PCYOX1L: variants seen among roughly 807,000 people sequenced by gnomAD.
PCYOX1L encodes the protein prenylcysteine oxidase 1-like.
Under a neutral mutation model 44.1 loss-of-function variants are expected in PCYOX1L, and 40 were observed. The observed-to-expected ratio is 0.91, with a 90% CI of 0.70 to 1.18. The LOEUF (loss-of-function observed/expected upper bound fraction) is 1.18. Among genes scored for constraint, PCYOX1L ranks in the 50% most tolerant of loss-of-function variants. The pLI is 0.00. For synonymous variants in PCYOX1L, 266 were observed against 282.8 expected (o/e 0.94, Z 0.60); for missense variants, 605 against 653.3 (o/e 0.93, Z 0.81).
chr5:149,366,157 A>G lies in PCYOX1L; in HGVS notation c.682+4A>G, dbSNP rs1176363178. On this transcript the variant is annotated splice_donor_region_variant and intron_variant, in intron 4 of 5. Transcript: ENST00000274569. ...GCAGCGATGCCCGCCTTTGCAGGTA[A>G]GCGTCCAACCCTTGGCCTGCCCACC... 1 of 1,609,858 alleles carries G rather than the reference A, an allele frequency of 6.2e-7. No individual in the cohort carries two copies. Among genetic ancestry groups the G allele is most frequent in the Non-Finnish European group, 8.5e-7 (1 of 1,179,946 alleles).
At position 149,368,128 on chromosome 5, in the gene PCYOX1L, C is replaced by A; in HGVS notation, c.959C>A (p.Pro320Gln). Residue 320 changes from proline (P) to glutamine (Q), a missense_variant, in exon 6 of 6, where the codon CCG (proline) becomes CAG (glutamine). By Grantham distance (76) the Pro-to-Gln change is moderately conservative. Transcript: ENST00000274569. ...AACTTAACCTTTGCAGGCTTCCACC[C>A]GCCCATTGATGACGTGCAGGGCTCT... ...SSNLTFAGFH[P>Q]PIDDVQGSFQ... 6.2e-7 allele frequency: 1 copy of A among 1,613,274 alleles called. No homozygotes were observed. Among genetic ancestry groups the A allele is most frequent in the Non-Finnish European group, 8.5e-7 (1 of 1,179,540 alleles).
In PCYOX1L at chr5:149,364,327, C is replaced by T. The variant is rs77845145; in HGVS notation, c.470+117C>T. ...AAAGGTCCTTGCTGAATTGAGCCAG[C>T]ACAATTCAGTGCAGGCTCAGAGCAA... On this transcript the variant is annotated intron_variant, in intron 3 of 5. Transcript: ENST00000274569. 612 of 1,290,690 alleles carry T rather than the reference C, an allele frequency of 4.7e-4. 1 individual carries two copies. Among genetic ancestry groups the T allele is most frequent in the East Asian group, 9.3e-4 (37 of 39,762 alleles). 80.0% of individuals were successfully genotyped at this position (1,290,690 alleles called of 1,614,324 possible).
intron 1 of PCYOX1L, 67 bp downstream of exon 1, chr5:149,358,223 A>T (rs1757907548): frequency 7.4e-7 from 1 of 1,346,234 alleles, no homozygotes; most frequent in African/African-American, 1.5e-5. Flanking sequence ...CTCAGTTCTC[A>T]GCTAGGTGGG....
At position 149,368,716 on chromosome 5, in the gene PCYOX1L, CCCAGGACTGAATAAG is replaced by C; in HGVS notation, c.*66_*80del. ...CTGAAGATGGATCATCCCACAGCAG[CCCAGGACTGAATAAG>C]CCATGCTCGCCCACCAGGCTTCTTT... On this transcript the variant is annotated 3_prime_UTR_variant, in exon 6 of 6. Transcript: ENST00000274569. The C allele has an allele frequency of 6.9e-7, 1 of 1,452,792 alleles. No individual in the cohort carries two copies. Among genetic ancestry groups the C allele is most frequent in the South Asian group, 1.4e-5 (1 of 70,218 alleles). The allele number at this position is 1,452,792 out of a possible 1,614,324, so 90.0% of individuals were successfully genotyped here.
At chr5:149,360,518 G>T (rs1176984566) in intron 1 of PCYOX1L, among the ~76,000 whole-genome samples, 1 of 152,210 alleles carries the variant, frequency 6.6e-6, no homozygotes, top group Non-Finnish European at 1.5e-5. Context: ...GAACTCTACT[G>T]TCCACCAGGA....
At chr5:149,362,964 C>A in intron 2 of PCYOX1L, 121 bp downstream of exon 2, 1 of 1,097,018 alleles carries the variant, frequency 9.1e-7, no homozygotes, top group Non-Finnish European at 1.4e-6. Flanking sequence ...TCTCATTTTA[C>A]AGATGGAGCA....
Position 149,362,700 on chromosome 5 carries a change from C to T in PCYOX1L, c.152C>T (p.Pro51Leu), listed in dbSNP as rs1275855806. Residue 51 changes from proline to leucine, a missense_variant, in exon 2 of 6, where the codon CCT becomes CTT. Coordinates refer to ENST00000274569, the MANE Select transcript of PCYOX1L (RefSeq NM_024028.4). ...VAHFLQQHFGPRVQIDVYEKG... is the reference protein window; with the variant it reads ...VAHFLQQHFGLRVQIDVYEKG... ...CATTTTCTCCAGCAGCACTTTGGAC[C>T]TCGGGTGCAGATCGACGTGTACGAG... The T allele has an allele frequency of 6.2e-7, 1 of 1,614,080 alleles. No homozygotes were observed. Among genetic ancestry groups the T allele is most frequent in the African/African-American group, 1.3e-5 (1 of 74,926 alleles).
At chr5:149,358,945 CACGAATCCA>C (rs1482966765) in intron 1 of PCYOX1L, among the ~76,000 whole-genome samples, 1 of 152,234 alleles carries the variant, frequency 6.6e-6, no homozygotes, top group African/African-American at 2.4e-5. Flanking sequence ...TCTAGACATC[CACGAATCCA>C]GCCTACATTT....
chr5:149,364,594 C>G (rs530446486), intron 3 of PCYOX1L: 34 of 186,772 alleles, frequency 1.8e-4, no homozygotes, highest in Admixed American at 3.8e-4. Flanking sequence ...CTGCAGCCAG[C>G]CGTGTACAAT....
In PCYOX1L at chr5:149,367,049, C is replaced by T. The variant is rs988324246; in HGVS notation, c.683-311C>T. The stretch of plus-strand genomic sequence containing the variant: ...TAGCCCTCACCTCCCCAACACCCCC[C>T]GGCCTCCCAGCCCTGGGCAGCTACA... On this transcript the variant is annotated intron_variant, in intron 4 of 5. Coordinates refer to ENST00000274569, the MANE Select transcript of PCYOX1L (RefSeq NM_024028.4). 4.6e-5 allele frequency among the ~76,000 whole-genome samples: 7 copies of T among 152,206 alleles called. No individual in the cohort carries two copies. In the South Asian group the frequency reaches 6.2e-4, roughly 14 times the overall value.
At chr5:149,362,946 T>C (rs1758061729) in intron 2 of PCYOX1L, 103 bp downstream of exon 2, 1 of 1,259,222 alleles carries the variant, frequency 7.9e-7, no homozygotes. Context: ...GAAGGTCATG[T>C]GGCCCAATCT....
Position 149,362,766 on chromosome 5 carries a change from A to T in PCYOX1L, c.218A>T (p.Asn73Ile). ...GGCCGCTTGGCCACCATCTCAGTCA[A>T]CAAGCAGCACTATGAGAGCGGGGCT... ...VGGRLATISV[N>I]KQHYESGAAS... Residue 73 changes from asparagine to isoleucine, a missense_variant, in exon 2 of 6, where the codon AAC becomes ATC. Transcript: ENST00000274569. 1 of 1,614,198 alleles carries T rather than the reference A, an allele frequency of 6.2e-7. No individual in the cohort carries two copies. The highest frequency in any genetic ancestry group is 8.5e-7 in the Non-Finnish European group (1 of 1,180,038).
intron 4 of PCYOX1L, among the ~76,000 whole-genome samples, chr5:149,367,043 A>T (rs1187518412): frequency 1.3e-5 from 2 of 148,226 alleles, no homozygotes; most frequent in Non-Finnish European, 3.0e-5. Context: ...CCTCCCCAAC[A>T]CCCCCCGGCC....
At position 149,358,169 on chromosome 5, in the gene PCYOX1L, C is replaced by A; in HGVS notation, c.88+13C>A. ...CCGGGCAAAATCGGTGCGGGAAGGA[C>A]GCGGTGGGGTTCCCAGCTGGGGAGG... On this transcript the variant is annotated intron_variant, in intron 1 of 5. Coordinates refer to ENST00000274569, the MANE Select transcript of PCYOX1L (RefSeq NM_024028.4). The A allele has an allele frequency of 6.9e-7, 1 of 1,439,936 alleles. No homozygotes were observed. Among genetic ancestry groups the A allele is most frequent in the Non-Finnish European group, 9.1e-7 (1 of 1,097,690 alleles). The allele number at this position is 1,439,936 out of a possible 1,614,324, so 89.2% of individuals were successfully genotyped here. A position where few individuals can be genotyped will look rare whatever the true frequency, so the allele number is the denominator to read the frequency against.
chr5:149,363,469 G>T (rs1167488832), intron 2 of PCYOX1L: 1 of 229,674 alleles, frequency 4.4e-6, no homozygotes, highest in East Asian at 1.0e-4. Context: ...AGGACCTGGG[G>T]TTAAACAAAT....
chr5:149,366,296 T>C, intron 4 of PCYOX1L, 143 bp downstream of exon 4: 1 of 832,682 alleles, frequency 1.2e-6, no homozygotes, highest in South Asian at 1.7e-5. Flanking sequence ...CCTGCCTGAT[T>C]CTGGGACTGG....
intron 1 of PCYOX1L, among the ~76,000 whole-genome samples, chr5:149,360,717 C>T (rs1450139619): frequency 1.3e-5 from 2 of 152,110 alleles, no homozygotes; most frequent in Non-Finnish European, 2.9e-5. Context: ...TGATGGCACT[C>T]CTATCAAAGG....
intron 2 of PCYOX1L, 185 bp downstream of exon 2, chr5:149,363,028 G>C (rs1381592999): frequency 1.3e-6 from 1 of 748,308 alleles, no homozygotes; most frequent in Non-Finnish European, 2.3e-6. Flanking sequence ...TGAGTTAGTT[G>C]CAGAGCCGGG....
At chr5:149,358,199 G>A (rs1286349952) in intron 1 of PCYOX1L, 43 bp downstream of exon 1, 1 of 1,405,042 alleles carries the variant, frequency 7.1e-7, no homozygotes. Context: ...GGGAGGGCCG[G>A]CGGGTAAAGG....
Sources: allele counts gnomAD v4.1 joint callset (sites outside exome capture counted in the v4.1 genomes callset), GRCh38; gene constraint gnomAD v4.1.1; transcripts MANE v1.5; gene names NCBI Gene and HGNC (gene_info 2026-07-23, HGNC 2026-07-21).